Variants in COP1 observed in about 807,000 individuals in gnomAD.
The protein encoded by COP1 is E3 ubiquitin-protein ligase COP1.
In COP1, 24 loss-of-function variants were observed where a neutral mutation model predicts 101.3. That is an observed-to-expected ratio of 0.24 (90% CI 0.17 to 0.33). The LOEUF (loss-of-function observed/expected upper bound fraction) is 0.33, where lower values mean the gene tolerates loss of function less well. Ranked by LOEUF, COP1 falls within the 10% of genes least tolerant of loss-of-function variation. The pLI, the probability that COP1 is intolerant of heterozygous loss-of-function variation, is 1.00. For missense variants in COP1, 663 were observed against 906.2 expected (o/e 0.73, Z 3.45); for synonymous variants, 347 against 341.9 (o/e 1.01, Z -0.17).
At chr1:175,952,473 A>G (rs1357151204) in intron 18 of COP1, among the ~76,000 whole-genome samples, 2 of 152,070 alleles carry the variant, frequency 1.3e-5, no homozygotes, top group Non-Finnish European at 2.9e-5. Context: ...ATTGAGATAC[A>G]CAAAATTAAA....
intron 8 of COP1, among the ~76,000 whole-genome samples, chr1:176,120,681 T>C (rs1245237643): frequency 7.2e-5 from 11 of 152,164 alleles, no homozygotes; most frequent in Non-Finnish European, 1.5e-5. Context: ...ACCTAGATTA[T>C]TTTCCTTCAA....
At chr1:176,181,581 G>A (rs1282840840) in intron 2 of COP1, among the ~76,000 whole-genome samples, 1 of 152,010 alleles carries the variant, frequency 6.6e-6, no homozygotes, top group Non-Finnish European at 1.5e-5. Flanking sequence ...AGTGGCTCAC[G>A]CTTGTAATCC....
intron 14 of COP1, among the ~76,000 whole-genome samples, chr1:176,038,973 G>T (rs984141545): frequency 6.6e-6 from 1 of 152,130 alleles, no homozygotes; most frequent in Non-Finnish European, 1.5e-5. Flanking sequence ...CAAACAACTG[G>T]ATGTAACTGA....
chr1:176,056,747 ATT>A (rs1433805615), intron 11 of COP1, among the ~76,000 whole-genome samples: 2 of 152,260 alleles, frequency 1.3e-5, no homozygotes, highest in East Asian at 3.9e-4. Context: ...TGTGATATAT[ATT>A]GTTTCAATCA....
At chr1:175,960,278 T>C (rs764719696) in intron 18 of COP1, among the ~76,000 whole-genome samples, 20 of 152,198 alleles carry the variant, frequency 1.3e-4, no homozygotes, top group Non-Finnish European at 2.8e-4. Context: ...CTAACGCTTC[T>C]AGACTTTTCA....
intron 14 of COP1, among the ~76,000 whole-genome samples, chr1:176,041,447 G>A (rs1191025623): frequency 3.3e-5 from 5 of 150,488 alleles, no homozygotes; most frequent in East Asian, 2.0e-4. Context: ...TCCTAGGTTC[G>A]AACAATTCTT....
chr1:176,017,615 C>T (rs1350326438), intron 15 of COP1: 1 of 152,246 alleles, frequency 6.6e-6, no homozygotes, highest in Non-Finnish European at 1.5e-5. Context: ...ACCTCCGCCT[C>T]CTGGGTTCAA....
chr1:175,974,082 A>G (rs1319114721), intron 18 of COP1, among the ~76,000 whole-genome samples: 1 of 152,214 alleles, frequency 6.6e-6, no homozygotes, highest in Admixed American at 6.5e-5. Flanking sequence ...TTGGGGAAAC[A>G]CTAACAGATT....
intron 15 of COP1, among the ~76,000 whole-genome samples, chr1:176,021,909 A>G (rs997805912): frequency 3.3e-5 from 5 of 152,228 alleles, no homozygotes; most frequent in South Asian, 2.1e-4. Context: ...TAGCTGACAG[A>G]TTCCATCTTC....
intron 6 of COP1, among the ~76,000 whole-genome samples, chr1:176,147,852 T>C (rs12127719): frequency 0.066 from 9,978 of 152,256 alleles, 446 homozygotes; most frequent in Non-Finnish European, 0.087. Context: ...ATTGCCAGGC[T>C]CCAACAGAGC....
intron 18 of COP1, among the ~76,000 whole-genome samples, chr1:175,947,710 T>A (rs1451269475): frequency 2.6e-5 from 4 of 152,114 alleles, no homozygotes; most frequent in African/African-American, 7.2e-5. Flanking sequence ...TATTTTAAAC[T>A]TAAGATCCCA....
chr1:176,005,220 G>GC (rs1662822867), intron 15 of COP1, among the ~76,000 whole-genome samples: 1 of 151,984 alleles, frequency 6.6e-6, no homozygotes, highest in South Asian at 2.1e-4. Flanking sequence ...ATTTTTTATT[G>GC]CATCTATTTG....
intron 11 of COP1, among the ~76,000 whole-genome samples, chr1:176,062,172 T>C (rs1444410778): frequency 6.6e-6 from 1 of 152,090 alleles, no homozygotes; most frequent in African/African-American, 2.4e-5. Flanking sequence ...GGATAATTTT[T>C]TTTGTGTTTT....
chr1:176,063,918 A>G (rs144191837), intron 11 of COP1, among the ~76,000 whole-genome samples: 334 of 152,336 alleles, frequency 2.2e-3, no homozygotes, highest in Non-Finnish European at 3.6e-3. Context: ...ATGATAAAAC[A>G]TAAAATAGCC....
At chr1:176,136,180 T>C (rs896158699) in intron 7 of COP1, among the ~76,000 whole-genome samples, 5 of 152,010 alleles carry the variant, frequency 3.3e-5, no homozygotes, top group Non-Finnish European at 7.4e-5. Flanking sequence ...AAAAAAGCAT[T>C]GTAGTGGTAA....
chr1:175,951,414 T>C (rs1201151575), intron 18 of COP1, among the ~76,000 whole-genome samples: 1 of 117,426 alleles, frequency 8.5e-6, no homozygotes, highest in East Asian at 2.8e-4. Context: ...GTATATACAA[T>C]GTATTTAAAT....
At chr1:176,004,682 T>A (rs1409947915) in intron 15 of COP1, among the ~76,000 whole-genome samples, 9 of 150,508 alleles carry the variant, frequency 6.0e-5, no homozygotes, top group African/African-American at 2.2e-4. Context: ...TGAACCAGCC[T>A]TGCATCCCAG....
chr1:175,947,359 A>C, intron 18 of COP1, 120 bp from the exon 19 acceptor site: 3 of 705,988 alleles, frequency 4.2e-6, no homozygotes, highest in South Asian at 1.7e-5. Context: ...TGAATCTAAT[A>C]TGAAGATACA....
chr1:175,987,170 A>C (rs1657324972), intron 17 of COP1, 67 bp from the exon 18 acceptor site: 4 of 821,364 alleles, frequency 4.9e-6, no homozygotes, highest in Non-Finnish European at 7.3e-6. Flanking sequence ...TCACAGTCTA[A>C]TAGTAATTAT....
Sources: gnomAD v4.1 joint callset for allele counts (sites outside exome capture counted in the v4.1 genomes callset) on GRCh38, gnomAD v4.1.1 for gene constraint, MANE v1.5 for transcripts, NCBI Gene and HGNC (gene_info 2026-07-23, HGNC 2026-07-21) for gene names.